Variants in ITGB4 observed in about 807,000 individuals in gnomAD.
ITGB4 encodes the protein integrin beta-4.
In ITGB4, 159 loss-of-function variants were observed where a neutral mutation model predicts 207.6. The observed-to-expected ratio is 0.77, with a 90% confidence interval of 0.67 to 0.87. The LOEUF (loss-of-function observed/expected upper bound fraction) is 0.87, where lower values mean the gene tolerates loss of function less well. Ranked by LOEUF, ITGB4 falls within the 40% of genes least tolerant of loss-of-function variation. The pLI is 0.00. For synonymous variants in ITGB4, 1,020 were observed against 1,062.7 expected (o/e 0.96, Z 0.78); for missense variants, 2,278 against 2,546.8 (o/e 0.89, Z 2.27).
Position 75,739,627 on chromosome 17 carries a change from A to T in ITGB4, c.2221-45A>T, listed in dbSNP as rs776904212. On this transcript the variant is annotated intron_variant, in intron 18 of 39. Coordinates refer to ENST00000200181, the MANE Select transcript of ITGB4 (RefSeq NM_000213.5). The surrounding 1 kb of genome is among the most constrained non-coding windows in gnomAD (Gnocchi z 5.4). ...GTGGCTGGAAGGGCTTACCTGGGCC[A>T]GGGCAGCTGTCTCAGGCCTCACCCT... is the stretch of plus-strand genomic sequence containing the variant. 1 of 1,613,110 alleles carries T rather than the reference A, an allele frequency of 6.2e-7. No homozygotes were observed. The highest frequency in any genetic ancestry group is 1.1e-5 in the South Asian group (1 of 91,070).
At position 75,753,746 on chromosome 17, in the gene ITGB4, GC is replaced by G. The variant is rs35633117; in HGVS notation, c.4109-16del. 1 of 1,405,688 alleles carries G rather than the reference GC, an allele frequency of 7.1e-7. No individual in the cohort carries two copies. The highest frequency in any genetic ancestry group is 9.3e-7 in the Non-Finnish European group (1 of 1,079,174). The allele number at this position is 1,405,688 out of a possible 1,614,324, so 87.1% of individuals were successfully genotyped here. On this transcript the variant is annotated intron_variant, in intron 32 of 39. Transcript: ENST00000200181. ...GGCGCCCCCCGGCGGTGCCAACGCG[GC>G]CCTTCGTTGTTCCCAAGGCTGCGGC...
Position 75,754,774 on chromosome 17 carries a change from T to C in ITGB4, c.4517T>C (p.Leu1506Pro), listed in dbSNP as rs1394538551. Reference sequence around the variant, plus strand: ...TCAGAACACTCACACTCGACCACACTGCCCAGGGACTACTCCACCCTCACC... The same window carrying C: ...TCAGAACACTCACACTCGACCACACCGCCCAGGGACTACTCCACCCTCACC... ...TRSEHSHSTT[L>P]PRDYSTLTSV... The change falls in exon 34 of 40, where the codon CTG (leucine) becomes CCG (proline). Residue 1506 changes from leucine to proline, a missense_variant. Leu to Pro is a moderately conservative substitution (Grantham distance 98). Coordinates refer to ENST00000200181, the MANE Select transcript of ITGB4 (RefSeq NM_000213.5). The C allele has an allele frequency of 6.2e-7, 1 of 1,612,382 alleles. No homozygotes were observed. The highest frequency in any genetic ancestry group is 2.2e-5 in the East Asian group (1 of 44,870).
chr17:75,754,761 C>A lies in ITGB4; in HGVS notation c.4504C>A (p.His1502Asn). ...YNSLTRSEHS[H>N]STTLPRDYST... ...CTCACTGACCCGCTCAGAACACTCA[C>A]ACTCGACCACACTGCCCAGGGACTA... is the stretch of plus-strand genomic sequence containing the variant. Residue 1502 changes from histidine to asparagine, a missense_variant, in exon 34 of 40, where the codon CAC (histidine) becomes AAC (asparagine). Physicochemically the swap from His to Asn is moderately conservative, Grantham distance 68 (BLOSUM62 1). Transcript: ENST00000200181. 1 of 1,612,688 alleles carries A rather than the reference C, an allele frequency of 6.2e-7. No homozygotes were observed.
rs893157925 is a variant in ITGB4, at chr17:75,724,772, T to C, written c.69T>C (p.Ser23=). 2.5e-6 allele frequency: 4 copies of C among 1,613,522 alleles called. No homozygotes were observed. In the East Asian group the frequency reaches 6.7e-5, roughly 27 times the overall value. ...CAGCCTTGATCAGCGTCAGCCTCTC[T>C]GGGACCTTGGGTGAGTCCACGTTGC... ...LLAALISVSL[S]GTLANRCKKA... The change falls in exon 2 of 40, where the codon TCT becomes TCC. Residue 23 remains serine (S), a synonymous_variant. Transcript: ENST00000200181.
chr17:75,729,568 C>A lies in ITGB4; in HGVS notation c.738+132C>A. ...AGGGAAAGCCTGGGAGCCTGCAACCCCTTCACCCTGAGACAAGCTCAGACT... is the reference window on the plus strand; with the variant it reads ...AGGGAAAGCCTGGGAGCCTGCAACCACTTCACCCTGAGACAAGCTCAGACT... On this transcript the variant is annotated intron_variant, in intron 7 of 39. Transcript: ENST00000200181. The surrounding 1 kb of genome is among the most constrained non-coding windows in gnomAD (Gnocchi z 4.4). The A allele has an allele frequency of 1.1e-6, 1 of 909,294 alleles. No homozygotes were observed. The highest frequency in any genetic ancestry group is 1.8e-5 in the South Asian group (1 of 56,326). 56.3% of individuals were successfully genotyped at this position (909,294 alleles called of 1,614,324 possible).
Position 75,754,996 on chromosome 17 carries a change from A to G in ITGB4, c.4558+181A>G, listed in dbSNP as rs1192692327. 7.1e-6 allele frequency: 11 copies of G among 1,556,990 alleles called. No homozygotes were observed. In the East Asian group the frequency reaches 2.1e-4, roughly 30 times the overall value. The stretch of plus-strand genomic sequence containing the variant: ...CATGTACACAGACATGCATGCGCAC[A>G]CGTACACACATGCATGCACACTCCC... On this transcript the variant is annotated intron_variant, in intron 34 of 39. Transcript: ENST00000200181.
chr17:75,736,310 A>G lies in ITGB4; in HGVS notation c.1784A>G (p.His595Arg). The change falls in exon 15 of 40, where the codon CAC becomes CGC. Residue 595 changes from histidine to arginine, a missense_variant. By Grantham distance (29) the His-to-Arg change is conservative (BLOSUM62 0). Coordinates refer to ENST00000200181, the MANE Select transcript of ITGB4 (RefSeq NM_000213.5). Reference sequence around the variant, plus strand: ...CAGGGCATCTGTAATGGACGTGGCCACTGTGAGTGTGGCCGCTGCCACTGC... The same window carrying G: ...CAGGGCATCTGTAATGGACGTGGCCGCTGTGAGTGTGGCCGCTGCCACTGC... ...SNGGICNGRG[H>R]CECGRCHCHQ... 1 of 1,613,970 alleles carries G rather than the reference A, an allele frequency of 6.2e-7. No homozygotes were observed.
In ITGB4 at chr17:75,743,605, C is replaced by A. The variant is rs1000268923; in HGVS notation, c.2963-108C>A. 2.2e-5 allele frequency: 33 copies of A among 1,485,084 alleles called. No individual in the cohort carries two copies. In the Admixed American group the frequency reaches 5.2e-4, roughly 23 times the overall value. 92.0% of individuals were successfully genotyped at this position (1,485,084 alleles called of 1,614,324 possible). A position where few individuals can be genotyped will look rare whatever the true frequency, so the allele number is the denominator to read the frequency against. ...CCAGAGGGCAATGCATAGAGGGAAC[C>A]AAGCGGACTCCTGGATTCTGGGCTG... On this transcript the variant is annotated intron_variant, in intron 25 of 39. Transcript: ENST00000200181.
At chr17:75,728,859 C>T (rs1336709825) in intron 6 of ITGB4, among the ~76,000 whole-genome samples, 1 of 151,992 alleles carries the variant, frequency 6.6e-6, no homozygotes, top group Non-Finnish European at 1.5e-5. Flanking sequence ...TGGTGGGCAC[C>T]GGTAGTCCCA....
chr17:75,742,625 G>A lies in ITGB4; in HGVS notation c.2826G>A (p.Val942=). ...AGTTCCAGGAGGGCGTGGAGCTGGT[G>A]GACGTACGGGTGCCCCTCTTTATCC... ...MVEFQEGVEL[V]DVRVPLFIRP... The change falls in exon 25 of 40, where the codon GTG becomes GTA. Residue 942 remains valine, a synonymous_variant. Coordinates refer to ENST00000200181, the MANE Select transcript of ITGB4 (RefSeq NM_000213.5). The surrounding 1 kb of genome is among the most constrained non-coding windows in gnomAD (Gnocchi z 5.9). 6.2e-7 allele frequency: 1 copy of A among 1,614,052 alleles called. No homozygotes were observed. Among genetic ancestry groups the A allele is most frequent in the South Asian group, 1.1e-5 (1 of 91,088 alleles).
At chr17:75,724,893 G>A (rs959037071) in intron 2 of ITGB4, 111 bp downstream of exon 2, 23 of 891,416 alleles carry the variant, frequency 2.6e-5, no homozygotes, top group East Asian at 1.0e-4. Context: ...TGGCCATTCA[G>A]CAACTGACCA....
In ITGB4 at chr17:75,722,757, CTGTGTGTGTGTGTGTGTG is replaced by C. The variant is rs55981241; in HGVS notation, c.-11+1163_-11+1180del. 4.9e-3 allele frequency among the ~76,000 whole-genome samples: 663 copies of C among 135,162 alleles called. 7 individuals are homozygous for C. Among genetic ancestry groups the C allele is most frequent in the African/African-American group, 0.018 (640 of 35,906 alleles). The allele number at this position is 135,162 out of a possible 152,430, so 88.7% of individuals were successfully genotyped here. On this transcript the variant is annotated intron_variant, in intron 1 of 39. Coordinates refer to ENST00000200181, the MANE Select transcript of ITGB4 (RefSeq NM_000213.5). This position sits in a 1 kb window ranked among gnomAD's most constrained non-coding sequence, Gnocchi z 6.2. ...GAGCCTGTGGGTGGGTGGGCATGGCCTGTGTGTGTGTGTGTGTGTGTGTGTGTGTGTGTGTCCCTGTGG... is the reference window on the plus strand; with the variant it reads ...GAGCCTGTGGGTGGGTGGGCATGGCCTGTGTGTGTGTGTGTGTCCCTGTGG...
At position 75,722,443 on chromosome 17, in the gene ITGB4, C is replaced by T. The variant is rs567618694; in HGVS notation, c.-11+831C>T. ...CACAGGTGGCATGGTTGTTGCTGTC[C>T]GAAACAGAGCTGGCAGTGAAGGCTT... On this transcript the variant is annotated intron_variant, in intron 1 of 39. Coordinates refer to ENST00000200181, the MANE Select transcript of ITGB4 (RefSeq NM_000213.5). This position sits in a 1 kb window ranked among gnomAD's most constrained non-coding sequence, Gnocchi z 6.2. Among the ~76,000 whole-genome samples, 6 of 152,230 alleles carry T rather than the reference C, an allele frequency of 3.9e-5. No homozygotes were observed. The highest frequency in any genetic ancestry group is 9.6e-5 in the African/African-American group (4 of 41,546).
At chr17:75,756,902 AAG>A (rs1394539487) in intron 37 of ITGB4, 39 bp from the exon 38 acceptor site, 2 of 1,612,066 alleles carry the variant, frequency 1.2e-6, no homozygotes, top group South Asian at 1.1e-5. Context: ...GGGAGGGGTA[AAG>A]AGGGGGCCGC....
rs764405265 is a variant in ITGB4, at chr17:75,727,696, C to G, written c.310C>G (p.Gln104Glu). 3.7e-4 allele frequency: 600 copies of G among 1,612,300 alleles called. No homozygotes were observed. Among genetic ancestry groups the G allele is most frequent in the Non-Finnish European group, 4.7e-4 (558 of 1,179,592 alleles). ...TTLRRSQMSPQGLRVRLRPGE... is the reference protein window; with the variant it reads ...TTLRRSQMSPEGLRVRLRPGE... Reference sequence around the variant, plus strand: ...CCTGCGGCGCAGCCAGATGTCCCCCCAAGGCCTGCGGGTCCGTCTGCGGCC... The same window carrying G: ...CCTGCGGCGCAGCCAGATGTCCCCCGAAGGCCTGCGGGTCCGTCTGCGGCC... The change falls in exon 5 of 40, where the codon CAA becomes GAA. Residue 104 changes from glutamine to glutamate, a missense_variant. Coordinates refer to ENST00000200181, the MANE Select transcript of ITGB4 (RefSeq NM_000213.5). The surrounding 1 kb of genome is among the most constrained non-coding windows in gnomAD (Gnocchi z 6.0).
rs1285641333 is a variant in ITGB4 at position 75,756,813 on chromosome 17, G to A, written c.5007G>A (p.Gly1669=). The change falls in exon 37 of 40, where the codon GGG becomes GGA. Residue 1669 remains glycine, a synonymous_variant. Coordinates refer to ENST00000200181, the MANE Select transcript of ITGB4 (RefSeq NM_000213.5). ...GGGAGCGGCCACGGAGGCCCAATGG[G>A]GATATCGTCGGCTACCTGGTGACCT... ...LSWERPRRPN[G]DIVGYLVTCE... The A allele has an allele frequency of 6.2e-7, 1 of 1,612,354 alleles. No homozygotes were observed. Among genetic ancestry groups the A allele is most frequent in the African/African-American group, 1.3e-5 (1 of 74,918 alleles).
Position 75,750,011 on chromosome 17 carries a change from G to C in ITGB4, c.3317-100G>C. 6.8e-7 allele frequency: 1 copy of C among 1,468,658 alleles called. No individual in the cohort carries two copies. The highest frequency in any genetic ancestry group is 1.4e-5 in the African/African-American group (1 of 72,264). The allele number at this position is 1,468,658 out of a possible 1,614,324, so 91.0% of individuals were successfully genotyped here. On this transcript the variant is annotated intron_variant, in intron 27 of 39. Transcript: ENST00000200181. The surrounding 1 kb of genome is among the most constrained non-coding windows in gnomAD (Gnocchi z 5.5). ...GCGGGTGGGCAGGTCTGAGTTGAAT[G>C]CGCTGGGTAGAGCGCCCTGGGTGTT...
Position 75,756,688 on chromosome 17 carries a change from C to T in ITGB4, c.4898-16C>T. 3 of 1,613,478 alleles carry T rather than the reference C, an allele frequency of 1.9e-6. No homozygotes were observed. The highest frequency in any genetic ancestry group is 2.5e-6 in the Non-Finnish European group (3 of 1,180,012). Reference sequence around the variant, plus strand: ...CACCCACCCACAGGCTGATGCTCTTCCTCTACTGCCCCCAGGCTCCGCCTT... The same window carrying T: ...CACCCACCCACAGGCTGATGCTCTTTCTCTACTGCCCCCAGGCTCCGCCTT... On this transcript the variant is annotated splice_polypyrimidine_tract_variant and intron_variant, in intron 36 of 39. Coordinates refer to ENST00000200181, the MANE Select transcript of ITGB4 (RefSeq NM_000213.5).
chr17:75,730,763 C>T, intron 8 of ITGB4, 112 bp from the exon 9 acceptor site: 1 of 1,136,374 alleles, frequency 8.8e-7, no homozygotes, highest in Admixed American at 1.7e-5. Flanking sequence ...GGCTCTGCGA[C>T]ACCACAGTAG....
Sources: gnomAD v4.1 joint callset for allele counts (sites outside exome capture counted in the v4.1 genomes callset) on GRCh38, gnomAD v4.1.1 for gene constraint, Gnocchi (gnomAD v3.1) non-coding constraint, MANE v1.5 for transcripts, NCBI Gene and HGNC (gene_info 2026-07-23, HGNC 2026-07-21) for gene names.